Variants in PDE6C observed in about 807,000 individuals in gnomAD.
PDE6C encodes the protein phosphodiesterase 6C, also known as cone cGMP-specific 3',5'-cyclic phosphodiesterase subunit alpha'.
PDE6C carries 75 observed loss-of-function variants against 113.1 expected under a neutral mutation model. The observed-to-expected ratio is 0.66, with a 90% CI of 0.55 to 0.80. PDE6C has a LOEUF of 0.80. Among genes scored for constraint, PDE6C ranks in the 30% least tolerant of loss-of-function variants. The probability of loss-of-function intolerance (pLI) is 0.00; values close to 1 mark genes in which losing one functional copy is unlikely to be tolerated. For missense variants in PDE6C, 912 were observed against 1,038.6 expected, an observed-to-expected ratio of 0.88 and a Z score of 1.67; for synonymous variants, 375 against 363.7, an observed-to-expected ratio of 1.03 and a Z score of -0.35.
Position 93,614,750 on chromosome 10 carries a change from G to A in PDE6C, c.480+1545G>A, listed in dbSNP as rs775117498. 9.2e-5 allele frequency among the ~76,000 whole-genome samples: 14 copies of A among 152,250 alleles called. No individual in the cohort carries two copies. In the East Asian group the frequency reaches 2.5e-3, roughly 27 times the overall value. On this transcript the variant is annotated intron_variant, in intron 1 of 21. Transcript: ENST00000371447. ...TAAGAGCATGGAGCTGCTTGGAGGT[G>A]GTTTTGGTCTGCGGCTGTCCATGGT...
chr10:93,622,211 G>T, intron 4 of PDE6C, 139 bp downstream of exon 4: 4 of 910,942 alleles, frequency 4.4e-6, no homozygotes, highest in Non-Finnish European at 7.0e-6. Context: ...GTAAAAGTGT[G>T]TGTCTTGGAG....
Position 93,637,065 on chromosome 10 carries a change from T to G in PDE6C, c.1482+2T>G, listed in dbSNP as rs779718367. Reference sequence around the variant, plus strand: ...GAAAAACAACTTGTTGCAATTTTGGTAAGTGTTTTCTTTCTAACCTTAATG... The same window carrying G: ...GAAAAACAACTTGTTGCAATTTTGGGAAGTGTTTTCTTTCTAACCTTAATG... On this transcript the variant is annotated splice_donor_variant, in intron 11 of 21. Transcript: ENST00000371447. LOFTEE classifies it high-confidence loss of function. 3 of 1,559,832 alleles carry G rather than the reference T, an allele frequency of 1.9e-6. No homozygotes were observed. Among genetic ancestry groups the G allele is most frequent in the Non-Finnish European group, 2.7e-6 (3 of 1,130,982 alleles).
At chr10:93,636,924 T>A (rs1355344950) in intron 10 of PDE6C, 71 bp from the exon 11 acceptor site, 2 of 837,134 alleles carry the variant, frequency 2.4e-6, no homozygotes, top group Non-Finnish European at 4.2e-6. Flanking sequence ...ACTAAGATTG[T>A]AATAGTAGAG....
At chr10:93,656,012 C>T in intron 16 of PDE6C, 152 bp downstream of exon 16, 6 of 690,870 alleles carry the variant, frequency 8.7e-6, no homozygotes, top group South Asian at 6.1e-5. Flanking sequence ...AATTTGCTCT[C>T]CTTTTGGATT....
In PDE6C at chr10:93,612,939, G is replaced by C. The variant is rs1475857643; in HGVS notation, c.214G>C (p.Glu72Gln). The part of the protein sequence containing the change: ...CLELLWTVQE[E>Q]GGTPEQGVHR... ...GGAGCTGCTGTGGACCGTGCAGGAGGAGGGGGGCACCCCAGAGCAGGGGGT... is the reference window on the plus strand; with the variant it reads ...GGAGCTGCTGTGGACCGTGCAGGAGCAGGGGGGCACCCCAGAGCAGGGGGT... Residue 72 changes from glutamate (E) to glutamine (Q), a missense_variant, in exon 1 of 22, where the codon GAG becomes CAG. By Grantham distance (29) the Glu-to-Gln change is conservative. Transcript: ENST00000371447. 2 of 1,613,910 alleles carry C rather than the reference G, an allele frequency of 1.2e-6. No individual in the cohort carries two copies. Among genetic ancestry groups the C allele is most frequent in the African/African-American group, 2.7e-5 (2 of 74,924 alleles).
intron 11 of PDE6C, among the ~76,000 whole-genome samples, chr10:93,639,464 G>A (rs182103855): frequency 8.5e-5 from 13 of 152,298 alleles, no homozygotes; most frequent in Non-Finnish European, 1.8e-4. Flanking sequence ...TAAATGAAAT[G>A]TCTGCAAGTA....
At chr10:93,623,302 T>G (rs2134596527) in intron 4 of PDE6C, among the ~76,000 whole-genome samples, 1 of 152,322 alleles carries the variant, frequency 6.6e-6, no homozygotes, top group East Asian at 1.9e-4. Flanking sequence ...GCCCACATTT[T>G]TTTATGTTGT....
At chr10:93,631,042 G>A (rs1324529158) in intron 8 of PDE6C, among the ~76,000 whole-genome samples, 1 of 152,202 alleles carries the variant, frequency 6.6e-6, no homozygotes, top group African/African-American at 2.4e-5. Flanking sequence ...AATGGAGCTG[G>A]CCCAGGAGAA....
chr10:93,641,086 G>A, intron 14 of PDE6C, 57 bp downstream of exon 14: 1 of 1,076,584 alleles, frequency 9.3e-7, no homozygotes, highest in Non-Finnish European at 1.4e-6. Context: ...AAAGTACTTA[G>A]GGTGAGAAAA....
At chr10:93,637,363 T>C (rs945812350) in intron 11 of PDE6C, among the ~76,000 whole-genome samples, 1 of 152,142 alleles carries the variant, frequency 6.6e-6, no homozygotes, top group Non-Finnish European at 1.5e-5. Context: ...TTTATTTTAA[T>C]AGCTTTGGAT....
At chr10:93,662,679 C>T (rs1210123101) in intron 20 of PDE6C, 36 bp downstream of exon 20, 1 of 978,756 alleles carries the variant, frequency 1.0e-6, no homozygotes, top group Admixed American at 1.7e-5. Context: ...AATACATAAA[C>T]ATTTGGATGA....
chr10:93,629,285 G>T lies in PDE6C; in HGVS notation c.1099G>T (p.Asp367Tyr). Reference sequence around the variant, plus strand: ...CTGTAACATGATGAATGCCCCTGCGGATGAATACTTCACATTTCAGGTAAC... The same window carrying T: ...CTGTAACATGATGAATGCCCCTGCGTATGAATACTTCACATTTCAGGTAAC... ...FICNMMNAPADEYFTFQKGPV... is the reference protein window; with the variant it reads ...FICNMMNAPAYEYFTFQKGPV... Residue 367 changes from aspartate (D) to tyrosine (Y), a missense_variant, in exon 8 of 22, where the codon GAT (aspartate) becomes TAT (tyrosine). Asp to Tyr is a radical substitution (Grantham distance 160). Transcript: ENST00000371447. 6.2e-7 allele frequency: 1 copy of T among 1,611,552 alleles called. No individual in the cohort carries two copies. Among genetic ancestry groups the T allele is most frequent in the Non-Finnish European group, 8.5e-7 (1 of 1,177,640 alleles).
rs1414867743 is a variant in PDE6C at position 93,659,124 on chromosome 10, G to A, written c.2165G>A (p.Cys722Tyr). 6.2e-7 allele frequency: 1 copy of A among 1,611,426 alleles called. No individual in the cohort carries two copies. The highest frequency in any genetic ancestry group is 8.5e-7 in the Non-Finnish European group (1 of 1,179,336). The change falls in exon 18 of 22, where the codon TGT becomes TAT. Residue 722 changes from cysteine to tyrosine, a missense_variant. Physicochemically the swap from Cys to Tyr is radical, Grantham distance 194 (BLOSUM62 -2). Transcript: ENST00000371447. ...EIIMAMMMTA[C>Y]DLSAITKPWE... ...CTAAGGGCAATGATGATGACGGCAT[G>A]TGACTTGTCTGCTATTACCAAGCCC...
At chr10:93,637,215 G>T (rs1416884773) in intron 11 of PDE6C, 152 bp downstream of exon 11, 1 of 637,440 alleles carries the variant, frequency 1.6e-6, no homozygotes, top group Non-Finnish European at 2.8e-6. Context: ...TTCTTCTAAA[G>T]ATTGATCTTT....
At position 93,634,750 on chromosome 10, in the gene PDE6C, G is replaced by A. The variant is rs577129919; in HGVS notation, c.1120-8G>A. The A allele has an allele frequency of 2.0e-5, 32 of 1,613,902 alleles. No individual in the cohort carries two copies. Among genetic ancestry groups the A allele is most frequent in the Admixed American group, 6.7e-5 (4 of 60,012 alleles). The stretch of plus-strand genomic sequence containing the variant: ...AAAAAATAACTTGAGGTCCCTTCTC[G>A]TTTGTAGAAAGGACCTGTAGACGAA... On this transcript the variant is annotated splice_region_variant and splice_polypyrimidine_tract_variant and intron_variant, in intron 8 of 21. Coordinates refer to ENST00000371447, the MANE Select transcript of PDE6C (RefSeq NM_006204.4).
At chr10:93,615,068 G>C (rs1289802086) in intron 1 of PDE6C, among the ~76,000 whole-genome samples, 4 of 152,204 alleles carry the variant, frequency 2.6e-5, no homozygotes, top group Non-Finnish European at 4.4e-5. Flanking sequence ...ACGGCGGGTG[G>C]ATGGCTTAAG....
intron 15 of PDE6C, among the ~76,000 whole-genome samples, chr10:93,652,085 T>C (rs2058611864): frequency 6.6e-6 from 1 of 151,950 alleles, no homozygotes. Flanking sequence ...TTGATGGAGC[T>C]TCGAAGAATA....
intron 8 of PDE6C, 27 bp downstream of exon 8, chr10:93,629,332 C>T (rs777744770): frequency 5.2e-6 from 8 of 1,535,818 alleles, no homozygotes; most frequent in African/African-American, 1.4e-5. Context: ...TCAGACCTCA[C>T]CTCTTGGGGC....
chr10:93,634,154 C>A (rs1036807623), intron 8 of PDE6C, among the ~76,000 whole-genome samples: 1 of 152,090 alleles, frequency 6.6e-6, no homozygotes, highest in African/African-American at 2.4e-5. Context: ...TCCCAAGTAG[C>A]TGGGATTACA....
Sources: allele counts gnomAD v4.1 joint callset (sites outside exome capture counted in the v4.1 genomes callset), GRCh38; gene constraint gnomAD v4.1.1; transcripts MANE v1.5; gene names NCBI Gene and HGNC (gene_info 2026-07-23, HGNC 2026-07-21).